The following RSPH14 variants were observed in gnomAD, a reference collection of about 807,000 sequenced individuals.
RSPH14 encodes the protein rhabdoid tumor deletion region gene 1.
Under a neutral mutation model 26.7 loss-of-function variants are expected in RSPH14, and 20 were observed. The observed-to-expected ratio is 0.75, with a 90% CI of 0.53 to 1.09. The LOEUF is 1.09. Ranked by LOEUF, RSPH14 falls within the 50% of genes least tolerant of loss-of-function variation. The pLI is 0.00. For synonymous variants in RSPH14, 177 were observed against 189.3 expected (o/e 0.93, Z 0.53); for missense variants, 449 against 457.2 (o/e 0.98, Z 0.16).
At chr22:23,152,399 G>C in the RSPH14 span, 1 of 1,547,424 alleles carries the variant, frequency 6.5e-7, no homozygotes, top group East Asian at 2.2e-5. Flanking sequence ...GGAAGGGGCT[G>C]TGAGTGTCTG....
the RSPH14 span, chr22:23,161,849 G>T: frequency 2.3e-6 from 1 of 438,132 alleles, no homozygotes; most frequent in Admixed American, 3.8e-5. Context: ...TCCATTTGCA[G>T]GGTCATCAGA....
At chr22:23,159,175 T>G in the RSPH14 span, 1 of 1,611,510 alleles carries the variant, frequency 6.2e-7, no homozygotes. Flanking sequence ...AGGGGCCGCA[T>G]GTGAGCAGGC....
intron 3 of RSPH14, 56 bp from the exon 4 acceptor site, chr22:23,134,200 A>G (rs1485503759): frequency 2.3e-6 from 3 of 1,329,876 alleles, no homozygotes; most frequent in Admixed American, 1.8e-5. Context: ...GAGAGGCTCA[A>G]ATTAGAAGAG....
chr22:23,149,975 G>A (rs1440534640), upstream of RSPH14: 4 of 1,050,118 alleles, frequency 3.8e-6, no homozygotes, highest in Non-Finnish European at 5.8e-6. Context: ...AAGGAAGGCT[G>A]GGAAGATCAT....
chr22:23,061,840 A>T lies in RSPH14; in HGVS notation c.759T>A (p.Gly253=), dbSNP rs150054974. The T allele has an allele frequency of 6.2e-7, 1 of 1,614,012 alleles. No homozygotes were observed. Among genetic ancestry groups the T allele is most frequent in the Non-Finnish European group, 8.5e-7 (1 of 1,180,026 alleles). The part of the protein sequence containing the change: ...PVEHVKSNAA[G]ALMFATVITE... ...TGATCACTGTGGCGAACATCAGGGC[A>T]CCGGCAGCGTTAGACTTCACATGCT... is the stretch of plus-strand genomic sequence containing the variant. Residue 253 remains glycine, a synonymous_variant, in exon 6 of 7, where the codon GGT becomes GGA. Coordinates refer to ENST00000216036, the MANE Select transcript of RSPH14 (RefSeq NM_014433.3).
intron 4 of RSPH14, among the ~76,000 whole-genome samples, chr22:23,117,382 A>G (rs141611684): frequency 1.2e-4 from 19 of 152,318 alleles, no homozygotes; most frequent in African/African-American, 4.1e-4. Context: ...GAGCCTCCCA[A>G]AGAGCCAGGC....
At chr22:23,067,282 C>T (rs1601731663) in intron 4 of RSPH14, among the ~76,000 whole-genome samples, 1 of 152,272 alleles carries the variant, frequency 6.6e-6, no homozygotes, top group Admixed American at 6.5e-5. Flanking sequence ...CCAGCTGTGC[C>T]TGCTGGGTTG....
At chr22:23,103,146 T>G (rs1344703828) in intron 4 of RSPH14, among the ~76,000 whole-genome samples, 1 of 152,206 alleles carries the variant, frequency 6.6e-6, no homozygotes, top group Non-Finnish European at 1.5e-5. Flanking sequence ...AGCTGGCTCA[T>G]ACTGGCTCAC....
At position 23,138,949 on chromosome 22, in the gene RSPH14, A is replaced by G. The variant is rs1205791675; in HGVS notation, c.200-7T>C. ...TTCAGGTTCTCCATACAGCCTAGAA[A>G]AAAAAAAAAAAACAAACAAACCAAC... On this transcript the variant is annotated splice_region_variant and splice_polypyrimidine_tract_variant and intron_variant, in intron 2 of 6. Coordinates refer to ENST00000216036, the MANE Select transcript of RSPH14 (RefSeq NM_014433.3). 4.4e-5 allele frequency: 54 copies of G among 1,219,404 alleles called. No homozygotes were observed. The highest frequency in any genetic ancestry group is 4.5e-4 in the Middle Eastern group (2 of 4,442). The allele number at this position is 1,219,404 out of a possible 1,614,324, so 75.5% of individuals were successfully genotyped here.
chr22:23,090,057 A>G (rs1035432348), intron 4 of RSPH14, among the ~76,000 whole-genome samples: 3 of 152,042 alleles, frequency 2.0e-5, no homozygotes, highest in Non-Finnish European at 2.9e-5. Context: ...CGCTGCAAAC[A>G]CTACACATCT....
At chr22:23,160,846 T>G in the RSPH14 span, 10 of 1,602,842 alleles carry the variant, frequency 6.2e-6, no homozygotes, top group Non-Finnish European at 8.5e-6. Context: ...GGAGAAACAC[T>G]GATGAGGTCC....
intron 4 of RSPH14, among the ~76,000 whole-genome samples, chr22:23,126,354 C>G (rs775201332): frequency 2.0e-5 from 3 of 152,194 alleles, no homozygotes; most frequent in Non-Finnish European, 2.9e-5. Flanking sequence ...CCCGTCCTCC[C>G]CTGCAGTTCA....
At chr22:23,143,955 T>C (rs930239736), upstream of RSPH14, among the ~76,000 whole-genome samples, 1 of 151,774 alleles carries the variant, frequency 6.6e-6, no homozygotes, top group African/African-American at 2.4e-5. Context: ...TAGCCAAGCA[T>C]GGTTGGTGCG....
At chr22:23,110,575 C>G (rs2069616338) in intron 4 of RSPH14, among the ~76,000 whole-genome samples, 3 of 152,238 alleles carry the variant, frequency 2.0e-5, no homozygotes, top group African/African-American at 7.2e-5. Context: ...CTCCCACCAC[C>G]TGAGCAGATG....
At chr22:23,070,449 C>A (rs1214110215) in intron 4 of RSPH14, 13 of 148,754 alleles carry the variant, frequency 8.7e-5, no homozygotes, top group African/African-American at 2.9e-4. Flanking sequence ...GGTCACGTCC[C>A]CGCGTGGGCG....
rs149859519 is a variant in RSPH14 at position 23,093,246 on chromosome 22, C to T, written c.422-29113G>A. 4.8e-3 allele frequency among the ~76,000 whole-genome samples: 727 copies of T among 152,328 alleles called. 2 individuals are homozygous for T. The highest frequency in any genetic ancestry group is 9.1e-3 in the Non-Finnish European group (616 of 68,028). The stretch of plus-strand genomic sequence containing the variant: ...GGCTGAGTGACTGTTTAATCACTGC[C>T]CTCTTGGCAGAGATGTTTCTAGGGC... On this transcript the variant is annotated intron_variant, in intron 4 of 6. Coordinates refer to ENST00000216036, the MANE Select transcript of RSPH14 (RefSeq NM_014433.3).
chr22:23,151,493 T>C, the RSPH14 span, among the ~76,000 whole-genome samples: 3 of 152,226 alleles, frequency 2.0e-5, no homozygotes, highest in Non-Finnish European at 4.4e-5. Flanking sequence ...TCTTGCTGTC[T>C]GCAGGCAGAG....
chr22:23,113,301 C>A (rs1266905078), intron 4 of RSPH14, among the ~76,000 whole-genome samples: 5 of 152,228 alleles, frequency 3.3e-5, no homozygotes, highest in Non-Finnish European at 5.9e-5. Flanking sequence ...AGATCTTACC[C>A]CGGCTCCCAC....
In RSPH14 at chr22:23,059,486, G is replaced by A; in HGVS notation, c.1023C>T (p.Ile341=). The A allele has an allele frequency of 1.2e-6, 2 of 1,612,194 alleles. No individual in the cohort carries two copies. The highest frequency in any genetic ancestry group is 1.7e-6 in the Non-Finnish European group (2 of 1,178,642). Residue 341 remains isoleucine (I), a synonymous_variant, in exon 7 of 7, where the codon ATC becomes ATT. Coordinates refer to ENST00000216036, the MANE Select transcript of RSPH14 (RefSeq NM_014433.3). ...EALQRAARIA[I]SVIEFKP ...CTCAGGGTTTGAACTCGATGACACT[G>A]ATGGCGATCCGGGCTGCCCGCTGTA...
Sources: gnomAD v4.1 joint callset for allele counts (sites outside exome capture counted in the v4.1 genomes callset) on GRCh38, gnomAD v4.1.1 for gene constraint, MANE v1.5 for transcripts, NCBI Gene and HGNC (gene_info 2026-07-23, HGNC 2026-07-21) for gene names.